The following SAMD5 variants were observed in gnomAD, a reference collection of about 807,000 sequenced individuals.
The protein encoded by SAMD5 is sterile alpha motif domain-containing protein 5.
Under a neutral mutation model 11.3 loss-of-function variants are expected in SAMD5, and 13 were observed. That is an observed-to-expected ratio of 1.15 (90% CI 0.75 to 1.83). The LOEUF is 1.83. Among genes scored for constraint, SAMD5 ranks in the 40% most tolerant of loss-of-function variants. The pLI is 0.00. For synonymous variants in SAMD5, 129 were observed against 111.3 expected (o/e 1.16, Z -1.00); for missense variants, 255 against 239.1 (o/e 1.07, Z -0.44).
In SAMD5 at chr6:147,723,252, C is replaced by G. The variant is rs141827388; in HGVS notation, c.163-14065C>G. 8.9e-3 allele frequency among the ~76,000 whole-genome samples: 1,348 copies of G among 152,262 alleles called. 15 individuals carry two copies. Among genetic ancestry groups the G allele is most frequent in the South Asian group, 0.056 (269 of 4,828 alleles). On this transcript the variant is annotated intron_variant, in intron 1 of 1. Coordinates refer to the SAMD5 transcript ENST00000566741. ...CTTCTCTTTACCATGGTAGCCAAAA[C>G]TCAGGTAGGAGTTTTGTGGTCTTGG...
At chr6:147,866,006 C>G in the SAMD5 span, among the ~76,000 whole-genome samples, 10 of 152,150 alleles carry the variant, frequency 6.6e-5, no homozygotes, top group South Asian at 4.2e-4. Flanking sequence ...ACACTTGAAA[C>G]CTTTATGTTT....
the SAMD5 span, among the ~76,000 whole-genome samples, chr6:147,832,485 T>C: frequency 6.6e-6 from 1 of 152,164 alleles, no homozygotes; most frequent in African/African-American, 2.4e-5. Flanking sequence ...GTCCCTGCAA[T>C]CTGTCTAGTC....
At chr6:147,718,731 C>G (rs948769801) in intron 1 of SAMD5, among the ~76,000 whole-genome samples, 9 of 151,816 alleles carry the variant, frequency 5.9e-5, no homozygotes, top group African/African-American at 1.9e-4. Context: ...TGCTCTGTTG[C>G]CAAGGCTAAA....
At chr6:147,551,809 ATGT>A (rs1788775714) in intron 1 of SAMD5, among the ~76,000 whole-genome samples, 1 of 70,380 alleles carries the variant, frequency 1.4e-5, no homozygotes, top group African/African-American at 7.1e-5. Context: ...TCTTATATAT[ATGT>A]TATATATATA....
intron 1 of SAMD5, among the ~76,000 whole-genome samples, chr6:147,709,104 C>T (rs1324820790): frequency 6.6e-6 from 1 of 152,142 alleles, no homozygotes; most frequent in Non-Finnish European, 1.5e-5. Flanking sequence ...CCCTTTTTAA[C>T]TTAAAGAAAG....
At position 147,565,338 on chromosome 6, in the gene SAMD5, C is replaced by T. The variant is rs1789019373; in HGVS notation, c.*882C>T. 2 of 985,740 alleles carry T rather than the reference C, an allele frequency of 2.0e-6. No individual in the cohort carries two copies. Among genetic ancestry groups the T allele is most frequent in the Admixed American group, 1.2e-4 (2 of 16,264 alleles). The allele number at this position is 985,740 out of a possible 1,614,324, so 61.1% of individuals were successfully genotyped here. On this transcript the variant is annotated 3_prime_UTR_variant, in exon 2 of 2. Transcript: ENST00000367474. Reference sequence around the variant, plus strand: ...GCCGGGAGGTGGGCAGCGGCAGTGGCCTGAGGAGCCCTGTAGAACTACGGC... The same window carrying T: ...GCCGGGAGGTGGGCAGCGGCAGTGGTCTGAGGAGCCCTGTAGAACTACGGC...
chr6:147,784,855 A>G, the SAMD5 span, among the ~76,000 whole-genome samples: 3 of 152,220 alleles, frequency 2.0e-5, no homozygotes, highest in Non-Finnish European at 2.9e-5. Flanking sequence ...AACAAACTGC[A>G]TTGTATCTGT....
At chr6:147,750,912 C>T in the SAMD5 span, among the ~76,000 whole-genome samples, 4 of 152,186 alleles carry the variant, frequency 2.6e-5, no homozygotes, top group Admixed American at 2.6e-4. Flanking sequence ...CATTGCAAGA[C>T]TCCATCTCAA....
intron 1 of SAMD5, among the ~76,000 whole-genome samples, chr6:147,581,375 A>G (rs1326620053): frequency 6.6e-6 from 1 of 152,206 alleles, no homozygotes; most frequent in Non-Finnish European, 1.5e-5. Flanking sequence ...TGTCCTGGAG[A>G]TGAATGTTGG....
At chr6:147,634,185 C>T (rs1027268390) in intron 1 of SAMD5, among the ~76,000 whole-genome samples, 4 of 152,166 alleles carry the variant, frequency 2.6e-5, no homozygotes, top group African/African-American at 4.8e-5. Flanking sequence ...GACTGGGTAA[C>T]GTATAAAGAA....
the SAMD5 span, among the ~76,000 whole-genome samples, chr6:147,947,833 A>C: frequency 6.6e-6 from 1 of 151,724 alleles, no homozygotes; most frequent in Non-Finnish European, 1.5e-5. Flanking sequence ...TTCTGCCTTT[A>C]TTGGAATTTT....
At chr6:147,840,665 A>G in the SAMD5 span, among the ~76,000 whole-genome samples, 1 of 152,376 alleles carries the variant, frequency 6.6e-6, no homozygotes, top group South Asian at 2.1e-4. Flanking sequence ...TCTGCTGGTT[A>G]AGGAATGTTT....
chr6:147,899,189 A>AAAAAAAAAAAAAAAAAAAAAAAG, the SAMD5 span, among the ~76,000 whole-genome samples: 1 of 123,454 alleles, frequency 8.1e-6, no homozygotes, highest in African/African-American at 3.8e-5. Flanking sequence ...AAAAAAAAAA[A>AAAAAAAAAAAAAAAAAAAAAAAG]AAAAGATAAC....
intron 1 of SAMD5, among the ~76,000 whole-genome samples, chr6:147,736,658 A>G (rs1232824183): frequency 6.6e-6 from 1 of 152,152 alleles, no homozygotes; most frequent in East Asian, 1.9e-4. Flanking sequence ...GGCATTGGGG[A>G]TGATAGTTCA....
chr6:147,632,941 T>A (rs1045691674), intron 1 of SAMD5, among the ~76,000 whole-genome samples: 6 of 152,052 alleles, frequency 3.9e-5, no homozygotes, highest in African/African-American at 1.5e-4. Context: ...TTGCACCTTC[T>A]TAACCTCCTT....
the SAMD5 span, among the ~76,000 whole-genome samples, chr6:147,902,691 T>C: frequency 1.3e-5 from 2 of 152,222 alleles, no homozygotes; most frequent in East Asian, 3.9e-4. Flanking sequence ...TGATCCTGTG[T>C]TTCTTACTCA....
At chr6:147,919,565 C>G in the SAMD5 span, among the ~76,000 whole-genome samples, 11 of 152,184 alleles carry the variant, frequency 7.2e-5, no homozygotes, top group South Asian at 2.1e-3. Flanking sequence ...TCATGTGTTG[C>G]CACTCTTTCA....
chr6:147,843,378 C>T, the SAMD5 span, among the ~76,000 whole-genome samples: 1 of 152,302 alleles, frequency 6.6e-6, no homozygotes, highest in African/African-American at 2.4e-5. Flanking sequence ...CCTGTGTTCA[C>T]ATATTGGAAG....
At chr6:147,782,853 C>T in the SAMD5 span, among the ~76,000 whole-genome samples, 1 of 152,176 alleles carries the variant, frequency 6.6e-6, no homozygotes, top group African/African-American at 2.4e-5. Flanking sequence ...TAATCATTTT[C>T]TAGTAATATG....
Sources: gnomAD v4.1 joint callset for allele counts (sites outside exome capture counted in the v4.1 genomes callset) on GRCh38, gnomAD v4.1.1 for gene constraint, MANE v1.5 for transcripts, NCBI Gene and HGNC (gene_info 2026-07-23, HGNC 2026-07-21) for gene names.